MYCBP2: variants seen among roughly 807,000 people sequenced by gnomAD.
MYCBP2 encodes E3 ubiquitin-protein ligase MYCBP2.
Under a neutral mutation model 525.3 loss-of-function variants are expected in MYCBP2, and 120 were observed. The ratio of observed to expected loss-of-function variants is 0.23; its 90% CI spans 0.20 to 0.27. The LOEUF (loss-of-function observed/expected upper bound fraction) is 0.27. Ranked by LOEUF, MYCBP2 falls within the 10% of genes least tolerant of loss-of-function variation. MYCBP2 has a pLI of 1.00. For synonymous variants in MYCBP2, 1,894 were observed against 1,955.8 expected (o/e 0.97, Z 0.83); for missense variants, 4,149 against 5,657.1 (o/e 0.73, Z 8.55).
intron 61 of MYCBP2, among the ~76,000 whole-genome samples, chr13:77,088,109 C>T (rs1259915137): frequency 1.3e-5 from 2 of 151,888 alleles, no homozygotes; most frequent in Non-Finnish European, 2.9e-5. Flanking sequence ...CTTTATTTCA[C>T]TGAAAGCACA....
intron 1 of MYCBP2, among the ~76,000 whole-genome samples, chr13:77,318,522 G>A (rs1435215762): frequency 1.3e-5 from 2 of 152,224 alleles, no homozygotes; most frequent in Non-Finnish European, 2.9e-5. Flanking sequence ...TTGGGAGAAC[G>A]AGGCAGGCGG....
At chr13:77,236,274 T>C (rs1274013127) in intron 17 of MYCBP2, among the ~76,000 whole-genome samples, 1 of 152,132 alleles carries the variant, frequency 6.6e-6, no homozygotes, top group Non-Finnish European at 1.5e-5. Context: ...GTGAGTAAAA[T>C]AGGGGTATGA....
intron 20 of MYCBP2, among the ~76,000 whole-genome samples, chr13:77,221,980 T>G (rs1463025766): frequency 1.3e-5 from 2 of 152,196 alleles, no homozygotes; most frequent in Non-Finnish European, 2.9e-5. Context: ...AACACCATGT[T>G]AATAGTTGTT....
chr13:77,264,076 A>G (rs528490197), intron 8 of MYCBP2, 74 bp from the exon 9 acceptor site: 1 of 1,174,742 alleles, frequency 8.5e-7, no homozygotes, highest in East Asian at 2.5e-5. Flanking sequence ...CCTCTGTTGA[A>G]GTCAAAATGA....
chr13:77,090,052 T>G, intron 60 of MYCBP2, 54 bp downstream of exon 60: 1 of 1,407,058 alleles, frequency 7.1e-7, no homozygotes, highest in Non-Finnish European at 9.4e-7. Flanking sequence ...TAAAACAATT[T>G]TTTTATTTGT....
rs144484713 is a variant in MYCBP2 at position 77,191,695 on chromosome 13, T to C, written c.4054A>G (p.Ile1352Val). 59 of 1,614,016 alleles carry C rather than the reference T, an allele frequency of 3.7e-5. No individual in the cohort carries two copies. The highest frequency in any genetic ancestry group is 4.7e-5 in the Non-Finnish European group (55 of 1,179,946). Residue 1352 changes from isoleucine (I) to valine (V), a missense_variant, in exon 28 of 83, where the codon ATT becomes GTT. Physicochemically the swap from Ile to Val is conservative, Grantham distance 29. Coordinates refer to ENST00000544440, the MANE Select transcript of MYCBP2 (RefSeq NM_015057.5). ...TTTACTTACCCATCATCTGTGGTAATAGATGCCTGTCCATGAGATCCACAG... is the reference window on the plus strand; with the variant it reads ...TTTACTTACCCATCATCTGTGGTAACAGATGCCTGTCCATGAGATCCACAG... ...SDCGSHGQAS[I>V]TTDDGVVFQF...
intron 63 of MYCBP2, chr13:77,082,202 G>A: frequency 2.2e-6 from 1 of 459,452 alleles, no homozygotes; most frequent in Non-Finnish European, 3.8e-6. Context: ...TAAATTCTAA[G>A]GAAAGTTGAC....
At chr13:77,128,780 TC>T (rs888100309) in intron 52 of MYCBP2, among the ~76,000 whole-genome samples, 33 of 151,872 alleles carry the variant, frequency 2.2e-4, no homozygotes, top group African/African-American at 8.0e-4. Flanking sequence ...CTCCCTCCAT[TC>T]CCATCCCATT....
intron 3 of MYCBP2, among the ~76,000 whole-genome samples, chr13:77,286,717 C>G (rs543919429): frequency 8.3e-4 from 89 of 107,052 alleles, no homozygotes; most frequent in East Asian, 4.1e-3. Context: ...GATGGCACCA[C>G]TGCACTCCAG....
intron 3 of MYCBP2, among the ~76,000 whole-genome samples, chr13:77,282,646 CA>C (rs984735404): frequency 6.6e-6 from 1 of 152,190 alleles, no homozygotes; most frequent in African/African-American, 2.4e-5. Context: ...TGATAACTCC[CA>C]AATCTATTTT....
At chr13:77,165,121 A>T in intron 42 of MYCBP2, 152 bp downstream of exon 42, 1 of 638,744 alleles carries the variant, frequency 1.6e-6, no homozygotes. Flanking sequence ...CTCACCTCTC[A>T]AAGTGCTGCA....
At position 77,202,946 on chromosome 13, in the gene MYCBP2, T is replaced by C. The variant is rs907938432; in HGVS notation, c.3843+2310A>G. 3.3e-5 allele frequency among the ~76,000 whole-genome samples: 5 copies of C among 152,232 alleles called. No homozygotes were observed. In the East Asian group the frequency reaches 7.7e-4, roughly 24 times the overall value. On this transcript the variant is annotated intron_variant, in intron 26 of 82. Coordinates refer to ENST00000544440, the MANE Select transcript of MYCBP2 (RefSeq NM_015057.5). Reference sequence around the variant, plus strand: ...AACCCACAGCCAGTATCATACTGAATGGGCAAAAACTGGAAGCATTCCCTT... The same window carrying C: ...AACCCACAGCCAGTATCATACTGAACGGGCAAAAACTGGAAGCATTCCCTT...
At chr13:77,313,879 A>T (rs1303463639) in intron 1 of MYCBP2, among the ~76,000 whole-genome samples, 2 of 152,122 alleles carry the variant, frequency 1.3e-5, no homozygotes, top group Admixed American at 6.6e-5. Context: ...AACAAGATAT[A>T]TAGATGGCAA....
intron 1 of MYCBP2, among the ~76,000 whole-genome samples, chr13:77,322,351 G>C (rs1053259190): frequency 6.6e-6 from 1 of 152,088 alleles, no homozygotes; most frequent in Admixed American, 6.5e-5. Context: ...TGTTCTTCTA[G>C]GACTTCAGGA....
rs535805003 is a variant in MYCBP2, at chr13:77,293,707, A to G, written c.378+2892T>C. On this transcript the variant is annotated intron_variant, in intron 2 of 82. Coordinates refer to ENST00000544440, the MANE Select transcript of MYCBP2 (RefSeq NM_015057.5). The stretch of plus-strand genomic sequence containing the variant: ...GGAGGAGATAAAACAACAGAAAACT[A>G]TCAGTGATGCCGCATGAGAAAACTC... 3.3e-5 allele frequency among the ~76,000 whole-genome samples: 5 copies of G among 152,294 alleles called. No individual in the cohort carries two copies. The South Asian group carries it at 1.0e-3, about 32-fold the overall frequency.
Position 77,166,504 on chromosome 13 carries a change from C to T in MYCBP2, c.6165G>A (p.Gln2055=), listed in dbSNP as rs746606786. The change falls in exon 41 of 83, where the codon CAG becomes CAA. Residue 2055 remains glutamine, a synonymous_variant. Transcript: ENST00000544440. ...VRWMTIEFDP[Q]CGTAQSEDVL... is the part of the protein sequence containing the mutation. ...CATCTTCTGACTGTGCAGTACCACA[C>T]TGAGGGTCAAATTCGATTGTCATCC... 1.2e-5 allele frequency: 19 copies of T among 1,613,740 alleles called. No homozygotes were observed. The highest frequency in any genetic ancestry group is 1.7e-5 in the Admixed American group (1 of 59,970).
chr13:77,140,297 G>A, intron 50 of MYCBP2, 134 bp from the exon 51 acceptor site: 1 of 544,232 alleles, frequency 1.8e-6, no homozygotes, highest in South Asian at 3.2e-5. Flanking sequence ...TTGTAGAGAG[G>A]CTCCCTCTGC....
At chr13:77,255,283 C>T (rs897042596) in intron 14 of MYCBP2, among the ~76,000 whole-genome samples, 1 of 151,940 alleles carries the variant, frequency 6.6e-6, no homozygotes, top group African/African-American at 2.4e-5. Flanking sequence ...TCTGTTATGA[C>T]TCTGCAATCA....
At chr13:77,244,160 A>G (rs1252708162) in intron 15 of MYCBP2, among the ~76,000 whole-genome samples, 4 of 152,246 alleles carry the variant, frequency 2.6e-5, no homozygotes, top group Admixed American at 2.6e-4. Context: ...AACTCCCAAT[A>G]GGCATAATTG....
Sources: allele counts gnomAD v4.1 joint callset (sites outside exome capture counted in the v4.1 genomes callset), GRCh38; gene constraint gnomAD v4.1.1; transcripts MANE v1.5; gene names NCBI Gene and HGNC (gene_info 2026-07-23, HGNC 2026-07-21).